PDPR: variants seen among roughly 807,000 people sequenced by gnomAD.
The protein encoded by PDPR is pyruvate dehydrogenase phosphatase regulatory subunit, mitochondrial.
PDPR carries 50 observed loss-of-function variants against 102.2 expected under a neutral mutation model. That is an observed-to-expected ratio of 0.49 (90% confidence interval 0.39 to 0.62). The LOEUF (loss-of-function observed/expected upper bound fraction) is 0.62. PDPR is among the 20% of genes least tolerant of loss of function. The probability of loss-of-function intolerance (pLI) is 0.00; values close to 1 mark genes in which losing one functional copy is unlikely to be tolerated. For missense variants in PDPR, 625 were observed against 1,098.2 expected, an observed-to-expected ratio of 0.57 and a Z score of 6.09; for synonymous variants, 259 against 406.0, an observed-to-expected ratio of 0.64 and a Z score of 4.35.
Position 70,158,959 on chromosome 16 carries a change from A to G in PDPR, c.*2080A>G, listed in dbSNP as rs1324300048. On this transcript the variant is annotated 3_prime_UTR_variant, in exon 19 of 19. Coordinates refer to ENST00000288050, the MANE Select transcript of PDPR (RefSeq NM_017990.5). ...AGTTACACATAGACATAACTCTTCA[A>G]CCTTAACTATGGCAATACATTTGTG... The G allele has an allele frequency of 2.0e-5, 3 of 152,356 alleles. No individual in the cohort carries two copies. The highest frequency in any genetic ancestry group is 4.8e-5 in the African/African-American group (2 of 41,480). 9.4% of individuals were successfully genotyped at this position (152,356 alleles called of 1,614,324 possible).
upstream of PDPR, chr16:70,113,994 C>G (rs989125583): frequency 5.9e-5 from 9 of 152,052 alleles, no homozygotes; most frequent in Admixed American, 3.9e-4. Context: ...AGAACTCCCG[C>G]GCTCCCCACA....
rs747277107 is a variant in PDPR at position 70,136,183 on chromosome 16, T to C, written c.998-11T>C. ...GTGAGAACTCTATTTGGTTTTGTTG[T>C]CATTGCTCAGAGCCTCTGTTGAGTT... On this transcript the variant is annotated splice_polypyrimidine_tract_variant and intron_variant, in intron 9 of 18. Coordinates refer to ENST00000288050, the MANE Select transcript of PDPR (RefSeq NM_017990.5). The C allele has an allele frequency of 5.9e-6, 9 of 1,526,648 alleles. No homozygotes were observed. The highest frequency in any genetic ancestry group is 8.1e-6 in the Non-Finnish European group (9 of 1,108,644). 94.6% of individuals were successfully genotyped at this position (1,526,648 alleles called of 1,614,324 possible). A position where few individuals can be genotyped will look rare whatever the true frequency, so the allele number is the denominator to read the frequency against.
Position 70,122,017 on chromosome 16 carries a change from G to C in PDPR, c.227+1298G>C, listed in dbSNP as rs555875522. Among the ~76,000 whole-genome samples the C allele has an allele frequency of 8.5e-4, 129 of 151,856 alleles. No homozygotes were observed. The East Asian group carries it at 0.02, about 23-fold the overall frequency. On this transcript the variant is annotated intron_variant, in intron 3 of 18. Transcript: ENST00000288050. ...TTCTTTTTTTTTTGAAATGGAGTCT[G>C]GCTCTGTCACCCAGGCTGGAGTGCA...
intron 17 of PDPR, among the ~76,000 whole-genome samples, chr16:70,151,542 G>T (rs1966740612): frequency 6.6e-6 from 1 of 152,286 alleles, no homozygotes. Flanking sequence ...AGCTGCCATG[G>T]TTGGCCTGTG....
intron 10 of PDPR, among the ~76,000 whole-genome samples, chr16:70,136,837 G>A (rs1190108271): frequency 6.6e-6 from 1 of 152,194 alleles, no homozygotes; most frequent in Admixed American, 6.5e-5. Context: ...CCACCTCCTG[G>A]GTTCAGGCTA....
chr16:70,123,008 C>G (rs1460560215), intron 3 of PDPR, among the ~76,000 whole-genome samples: 12 of 152,062 alleles, frequency 7.9e-5, no homozygotes, highest in Non-Finnish European at 1.2e-4. Flanking sequence ...TCCAGTGATT[C>G]TCCTGCCCCA....
intron 17 of PDPR, 124 bp from the exon 18 acceptor site, chr16:70,153,267 C>T (rs1432045554): frequency 9.0e-7 from 1 of 1,110,018 alleles, no homozygotes; most frequent in Non-Finnish European, 1.3e-6. Context: ...ATGAGACATC[C>T]TGGGAGTTTT....
intron 18 of PDPR, among the ~76,000 whole-genome samples, chr16:70,153,873 G>A (rs572793016): frequency 2.6e-5 from 4 of 152,306 alleles, no homozygotes; most frequent in South Asian, 2.1e-4. Flanking sequence ...GGCAAAACCC[G>A]TCTCTACTAA....
At chr16:70,150,896 C>A (rs567918433) in intron 17 of PDPR, among the ~76,000 whole-genome samples, 10 of 152,370 alleles carry the variant, frequency 6.6e-5, no homozygotes, top group Admixed American at 4.6e-4. Context: ...CATCCCACTT[C>A]AGCTTCCTGA....
intron 3 of PDPR, among the ~76,000 whole-genome samples, chr16:70,124,396 C>T (rs1963703499): frequency 1.3e-5 from 2 of 152,256 alleles, no homozygotes; most frequent in Admixed American, 6.5e-5. Context: ...TTATCCGTGG[C>T]TTGTGAAATG....
rs530191272 is a variant in PDPR, at chr16:70,145,327, G to A, written c.1867+794G>A. The stretch of plus-strand genomic sequence containing the variant: ...TAATTTCTGTATTTTTAGTAGAGAT[G>A]GGGTTTCACCATGTTGGCCAGGCTG... On this transcript the variant is annotated intron_variant, in intron 15 of 18. Coordinates refer to ENST00000288050, the MANE Select transcript of PDPR (RefSeq NM_017990.5). Among the ~76,000 whole-genome samples, 644 of 152,084 alleles carry A rather than the reference G, an allele frequency of 4.2e-3. 1 individual carries two copies. Among genetic ancestry groups the A allele is most frequent in the Non-Finnish European group, 5.4e-3 (366 of 67,894 alleles).
At chr16:70,162,821 G>A (rs1045759521), downstream of PDPR, among the ~76,000 whole-genome samples, 14 of 152,268 alleles carry the variant, frequency 9.2e-5, no homozygotes, top group Admixed American at 5.2e-4. Flanking sequence ...GGGCACGTGT[G>A]CACTCAGGTT....
chr16:70,142,779 C>G (rs1382381781), intron 13 of PDPR, 93 bp downstream of exon 13: 2 of 1,536,344 alleles, frequency 1.3e-6, no homozygotes, highest in Non-Finnish European at 1.8e-6. Flanking sequence ...TGATTCCTGA[C>G]TGGGTGCAGT....
At chr16:70,116,558 T>A (rs570250780) in intron 2 of PDPR, among the ~76,000 whole-genome samples, 8,576 of 143,680 alleles carry the variant, frequency 0.06, 1,038 homozygotes, top group African/African-American at 0.21. Context: ...AAAAAAAAAA[T>A]TAAAAAAATT....
chr16:70,121,974 T>C (rs1963343109), intron 3 of PDPR, among the ~76,000 whole-genome samples: 2 of 152,186 alleles, frequency 1.3e-5, no homozygotes, highest in Admixed American at 6.5e-5. Context: ...CTGTGTTGCC[T>C]AGGCTGTTTT....
chr16:70,163,416 C>T (rs1381588193), downstream of PDPR, among the ~76,000 whole-genome samples: 27 of 152,368 alleles, frequency 1.8e-4, no homozygotes, highest in African/African-American at 6.5e-4. Context: ...CACCTGGTCT[C>T]CCCACTCGCC....
chr16:70,120,141 C>G lies in PDPR; in HGVS notation c.-32-320C>G, dbSNP rs1451291120. ...CATGTTGGTAAGACTGGTCTCGAAC[C>G]CCTGACCTCGTTATCCACTCGCCGC... On this transcript the variant is annotated intron_variant, in intron 2 of 18. Coordinates refer to ENST00000288050, the MANE Select transcript of PDPR (RefSeq NM_017990.5). The G allele has an allele frequency of 1.2e-5, 3 of 256,774 alleles. No individual in the cohort carries two copies. In the East Asian group the frequency reaches 3.1e-4, roughly 27 times the overall value. 15.9% of individuals were successfully genotyped at this position (256,774 alleles called of 1,614,324 possible). A position where few individuals can be genotyped will look rare whatever the true frequency, so the allele number is the denominator to read the frequency against.
Position 70,157,062 on chromosome 16 carries a change from C to G in PDPR, c.*183C>G. On this transcript the variant is annotated 3_prime_UTR_variant, in exon 19 of 19. Transcript: ENST00000288050. ...TTTTTGCTCTGCAGCCTTCCTTGCCCTTCCACCTCCTCCTCCTAATATTCA... is the reference window on the plus strand; with the variant it reads ...TTTTTGCTCTGCAGCCTTCCTTGCCGTTCCACCTCCTCCTCCTAATATTCA... 3 of 826,398 alleles carry G rather than the reference C, an allele frequency of 3.6e-6. No homozygotes were observed. Among genetic ancestry groups the G allele is most frequent in the Non-Finnish European group, 6.0e-6 (3 of 500,224 alleles). 51.2% of individuals were successfully genotyped at this position (826,398 alleles called of 1,614,324 possible).
downstream of PDPR, among the ~76,000 whole-genome samples, chr16:70,163,058 C>A (rs1181157179): frequency 1.3e-5 from 2 of 152,248 alleles, no homozygotes; most frequent in Admixed American, 6.5e-5. Flanking sequence ...CAAGTGATTT[C>A]CTGCCTTAGC....
Sources: gnomAD v4.1 joint callset for allele counts (sites outside exome capture counted in the v4.1 genomes callset) on GRCh38, gnomAD v4.1.1 for gene constraint, MANE v1.5 for transcripts, NCBI Gene and HGNC (gene_info 2026-07-23, HGNC 2026-07-21) for gene names.